The following HDAC9 variants were observed in gnomAD, a reference collection of about 807,000 sequenced individuals.
HDAC9 encodes the protein histone deacetylase 9.
HDAC9 carries 41 observed loss-of-function variants against 139.4 expected under a neutral mutation model. The observed-to-expected ratio is 0.29, with a 90% CI of 0.23 to 0.38. HDAC9 has a LOEUF of 0.38. Ranked by LOEUF, HDAC9 falls within the 10% of genes least tolerant of loss-of-function variation. HDAC9 has a pLI of 1.00. For missense variants in HDAC9, 1,147 were observed against 1,297.0 expected (o/e 0.88, Z 1.78); for synonymous variants, 517 against 476.2 (o/e 1.09, Z -1.12).
chr7:18,814,240 G>A (rs1020839668), intron 17 of HDAC9, among the ~76,000 whole-genome samples: 1 of 152,012 alleles, frequency 6.6e-6, no homozygotes, highest in African/African-American at 2.4e-5. Context: ...GGGAAATAAT[G>A]GTTCCTGAAA....
intron 1 of HDAC9, among the ~76,000 whole-genome samples, chr7:18,457,639 G>T (rs1048982525): frequency 3.3e-5 from 5 of 152,114 alleles, no homozygotes; most frequent in African/African-American, 1.2e-4. Flanking sequence ...TAAACTGTAG[G>T]TTATAAACGT....
intron 21 of HDAC9, among the ~76,000 whole-genome samples, chr7:18,868,148 G>C (rs1798633997): frequency 6.6e-6 from 1 of 151,762 alleles, no homozygotes; most frequent in South Asian, 2.1e-4. Flanking sequence ...CTTCTTATAT[G>C]CCAGGTAATC....
At position 18,585,351 on chromosome 7, in the gene HDAC9, G is replaced by C; in HGVS notation, c.93G>C (p.Arg31Ser). The C allele has an allele frequency of 6.2e-7, 1 of 1,613,914 alleles. No individual in the cohort carries two copies. The highest frequency in any genetic ancestry group is 1.3e-5 in the African/African-American group (1 of 74,998). ...ISPLDLRTDL[R>S]MMMPVVDPVV... ...CTTTAGACCTAAGGACAGACCTCAG[G>C]ATGATGATGCCCGTGGTGGACCCTG... The change falls in exon 3 of 26, where the codon AGG becomes AGC. Residue 31 changes from arginine to serine, a missense_variant. Physicochemically the swap from Arg to Ser is moderately radical, Grantham distance 110. Coordinates refer to ENST00000686413, the MANE Select transcript of HDAC9 (RefSeq NM_178425.4).
At chr7:18,704,491 C>T (rs1031784544) in intron 12 of HDAC9, among the ~76,000 whole-genome samples, 4 of 152,190 alleles carry the variant, frequency 2.6e-5, no homozygotes, top group Middle Eastern at 3.2e-3. Flanking sequence ...TTTGGAATCT[C>T]CTTAAGTGAC....
intron 21 of HDAC9, among the ~76,000 whole-genome samples, chr7:18,849,122 A>G (rs1797103346): frequency 6.6e-6 from 1 of 152,228 alleles, no homozygotes; most frequent in African/African-American, 2.4e-5. Flanking sequence ...TAAACATGAT[A>G]AAAGTAAGTA....
chr7:18,634,292 G>T (rs970186819), intron 7 of HDAC9, among the ~76,000 whole-genome samples: 1 of 150,234 alleles, frequency 6.7e-6, no homozygotes, highest in African/African-American at 2.4e-5. Flanking sequence ...GTTATTTTCT[G>T]TAATAGCATA....
At chr7:18,857,713 C>A (rs893465811) in intron 21 of HDAC9, among the ~76,000 whole-genome samples, 3 of 152,046 alleles carry the variant, frequency 2.0e-5, no homozygotes, top group Non-Finnish European at 4.4e-5. Context: ...TGAAATCTAG[C>A]ACTTGGCACC....
At chr7:18,824,583 G>A (rs540813967) in intron 17 of HDAC9, among the ~76,000 whole-genome samples, 1 of 152,300 alleles carries the variant, frequency 6.6e-6, no homozygotes, top group East Asian at 1.9e-4. Flanking sequence ...GTTGCTATTG[G>A]TAATTATAGG....
At chr7:18,831,778 A>C (rs1795872226) in intron 19 of HDAC9, among the ~76,000 whole-genome samples, 1 of 151,990 alleles carries the variant, frequency 6.6e-6, no homozygotes, top group Non-Finnish European at 1.5e-5. Flanking sequence ...AAAAGCCAAT[A>C]GATGGCTTTT....
At chr7:18,587,346 C>T (rs942811376) in intron 3 of HDAC9, among the ~76,000 whole-genome samples, 1 of 152,038 alleles carries the variant, frequency 6.6e-6, no homozygotes, top group African/African-American at 2.4e-5. Context: ...GAAAATTTAG[C>T]TTTTAAAATG....
At chr7:18,989,415 A>G (rs1196917117) in intron 25 of HDAC9, among the ~76,000 whole-genome samples, 2 of 152,076 alleles carry the variant, frequency 1.3e-5, no homozygotes, top group South Asian at 2.1e-4. Flanking sequence ...GTTTCTGCCA[A>G]GAGATCCGCT....
chr7:18,750,464 G>A (rs528753919), intron 14 of HDAC9, among the ~76,000 whole-genome samples: 1 of 152,268 alleles, frequency 6.6e-6, no homozygotes, highest in South Asian at 2.1e-4. Flanking sequence ...TTATCAAACA[G>A]TTTTCATATT....
intron 25 of HDAC9, among the ~76,000 whole-genome samples, chr7:18,988,694 G>GAC (rs1785594032): frequency 6.6e-6 from 1 of 151,172 alleles, no homozygotes; most frequent in Non-Finnish European, 1.5e-5. Context: ...ATGTGTGGGA[G>GAC]TCTAAGTCTC....
chr7:18,341,513 T>A (rs767061280), intron 1 of HDAC9, among the ~76,000 whole-genome samples: 1 of 151,744 alleles, frequency 6.6e-6, no homozygotes, highest in African/African-American at 2.4e-5. Context: ...TCCTGCGATA[T>A]CTAATTGGCT....
intron 23 of HDAC9, among the ~76,000 whole-genome samples, chr7:18,948,231 A>G (rs1782540110): frequency 6.6e-6 from 1 of 151,950 alleles, no homozygotes; most frequent in Non-Finnish European, 1.5e-5. Context: ...ATATTGTAAA[A>G]AAAAGAAAAA....
chr7:18,344,133 G>A (rs1291152201), intron 1 of HDAC9, among the ~76,000 whole-genome samples: 3 of 151,840 alleles, frequency 2.0e-5, no homozygotes, highest in Non-Finnish European at 4.4e-5. Context: ...CACATGTAAT[G>A]TGAAAAATTA....
chr7:18,745,500 G>T (rs1442887006), intron 13 of HDAC9, among the ~76,000 whole-genome samples: 3 of 138,942 alleles, frequency 2.2e-5, no homozygotes, highest in Non-Finnish European at 3.1e-5. Context: ...TAGTGAAAAA[G>T]TTAAGCAATG....
At chr7:18,841,805 T>C (rs1461256237) in intron 21 of HDAC9, among the ~76,000 whole-genome samples, 4 of 152,138 alleles carry the variant, frequency 2.6e-5, no homozygotes, top group African/African-American at 9.6e-5. Flanking sequence ...AAGCCACTTC[T>C]CCTTGTGTCT....
chr7:18,795,099 A>T (rs945798718), intron 17 of HDAC9, among the ~76,000 whole-genome samples: 1 of 152,126 alleles, frequency 6.6e-6, no homozygotes, highest in Admixed American at 6.5e-5. Context: ...TAAAATAGCC[A>T]GTTCCAAACA....
Sources: allele counts gnomAD v4.1 joint callset (sites outside exome capture counted in the v4.1 genomes callset), GRCh38; gene constraint gnomAD v4.1.1; transcripts MANE v1.5; gene names NCBI Gene and HGNC (gene_info 2026-07-23, HGNC 2026-07-21).